RAG1: variants seen among roughly 807,000 people sequenced by gnomAD.
The protein encoded by RAG1 is recombination activating 1.
A neutral mutation model predicts 62.7 loss-of-function variants in RAG1; 35 were observed. That is an observed-to-expected ratio of 0.56 (90% confidence interval 0.43 to 0.74). RAG1 has a LOEUF of 0.74. RAG1 is among the 30% of genes least tolerant of loss of function. The probability of loss-of-function intolerance (pLI) is 0.00; values close to 1 mark genes in which losing one functional copy is unlikely to be tolerated. For synonymous variants in RAG1, 461 were observed against 470.3 expected, an observed-to-expected ratio of 0.98 and a Z score of 0.26; for missense variants, 1,169 against 1,278.6, an observed-to-expected ratio of 0.91 and a Z score of 1.31.
intron 2 of RAG1, among the ~76,000 whole-genome samples, chr11:36,532,497 T>C (rs900091662): frequency 6.6e-6 from 1 of 152,242 alleles, no homozygotes; most frequent in Non-Finnish European, 1.5e-5. Flanking sequence ...ATGACAGTGC[T>C]TTCCAGAAAT....
intron 1 of RAG1, among the ~76,000 whole-genome samples, 200 bp downstream of exon 1, chr11:36,568,322 T>C (rs915929118): frequency 6.6e-6 from 1 of 152,146 alleles, no homozygotes; most frequent in African/African-American, 2.4e-5. Flanking sequence ...CATAGAAAGA[T>C]GCAAAATATC....
chr11:36,562,473 G>A (rs1387181658), intron 3 of RAG1, among the ~76,000 whole-genome samples: 2 of 152,166 alleles, frequency 1.3e-5, no homozygotes, highest in East Asian at 1.9e-4. Flanking sequence ...CACACAGGTT[G>A]CAAGAGGTGG....
Position 36,574,429 on chromosome 11 carries a change from C to T in RAG1, c.1125C>T (p.His375=). ...EEVSLEKYNH[H]ISSHKESKEI... ...TCAGTTTGGAAAAATATAATCACCA[C>T]ATCTCAAGTCACAAGGAATCAAAAG... Residue 375 remains histidine (H), a synonymous_variant, in exon 2 of 2, where the codon CAC becomes CAT. Coordinates refer to ENST00000299440, the MANE Select transcript of RAG1 (RefSeq NM_000448.3). 1.2e-6 allele frequency: 2 copies of T among 1,614,240 alleles called. No homozygotes were observed. The highest frequency in any genetic ancestry group is 2.2e-5 in the South Asian group (2 of 91,090).
At chr11:36,542,929 T>C (rs1389898984) in intron 3 of RAG1, among the ~76,000 whole-genome samples, 1 of 152,174 alleles carries the variant, frequency 6.6e-6, no homozygotes, top group Admixed American at 6.5e-5. Context: ...TGCAAATAAG[T>C]CCATTTCTTT....
intron 3 of RAG1, among the ~76,000 whole-genome samples, chr11:36,541,744 C>G (rs1358746685): frequency 6.6e-6 from 1 of 152,168 alleles, no homozygotes; most frequent in Non-Finnish European, 1.5e-5. Context: ...GCGTGCTAGC[C>G]TGCAAAGTAG....
chr11:36,513,280 T>TA (rs1273153561), intron 1 of RAG1, among the ~76,000 whole-genome samples: 1 of 152,222 alleles, frequency 6.6e-6, no homozygotes, highest in Admixed American at 6.5e-5. Context: ...GTTATGCTGT[T>TA]ATAGCAGCAC....
chr11:36,573,587 G>T lies in RAG1; in HGVS notation c.283G>T (p.Glu95Ter). 6.2e-7 allele frequency: 1 copy of T among 1,614,162 alleles called. No individual in the cohort carries two copies. Among genetic ancestry groups the T allele is most frequent in the Non-Finnish European group, 8.5e-7 (1 of 1,180,034 alleles). ...GTTTTCAAAGAAATTTCACGACAACGAGAAAGCAAGAGGCAAAGCGATCCA... is the reference window on the plus strand; with the variant it reads ...GTTTTCAAAGAAATTTCACGACAACTAGAAAGCAAGAGGCAAAGCGATCCA... ...PKFSKKFHDNEKARGKAIHQA... is the reference protein window; with the variant it reads ...PKFSKKFHDN Residue 95 changes from glutamate to a stop codon, truncating the protein, a stop_gained, in exon 2 of 2, where the codon GAG (glutamate) becomes TAG (stop). Transcript: ENST00000299440. LOFTEE classifies it high-confidence loss of function.
chr11:36,569,784 C>T (rs1246696670), intron 1 of RAG1, among the ~76,000 whole-genome samples: 1 of 152,090 alleles, frequency 6.6e-6, no homozygotes, highest in Non-Finnish European at 1.5e-5. Flanking sequence ...CTATTTTTTT[C>T]AGAAATTAAA....
At chr11:36,546,963 G>A (rs77213556) in intron 3 of RAG1, among the ~76,000 whole-genome samples, 1 of 151,860 alleles carries the variant, frequency 6.6e-6, no homozygotes, top group African/African-American at 2.4e-5. Context: ...TGGGTAATCC[G>A]ACCTCTATCT....
chr11:36,549,110 A>G (rs913289141), intron 3 of RAG1, among the ~76,000 whole-genome samples: 31 of 152,218 alleles, frequency 2.0e-4, no homozygotes, highest in African/African-American at 7.0e-4. Context: ...TACACCTTAT[A>G]CAAAAATTAA....
intron 2 of RAG1, among the ~76,000 whole-genome samples, chr11:36,534,482 C>T (rs186692353): frequency 1.1e-4 from 17 of 152,296 alleles, no homozygotes; most frequent in Admixed American, 9.2e-4. Flanking sequence ...CCCAGTGAAA[C>T]GTGAGCAGAA....
chr11:36,548,923 G>A (rs1313134681), intron 3 of RAG1, among the ~76,000 whole-genome samples: 4 of 151,868 alleles, frequency 2.6e-5, no homozygotes, highest in Non-Finnish European at 5.9e-5. Context: ...ACCAAAACAG[G>A]TATATAGACC....
In RAG1 at chr11:36,517,778, G is replaced by A. The variant is rs185330468; in HGVS notation, n.331-2354G>A. Among the ~76,000 whole-genome samples, 10 of 152,246 alleles carry A rather than the reference G, an allele frequency of 6.6e-5. No homozygotes were observed. In the East Asian group the frequency reaches 1.7e-3, roughly 26 times the overall value. On this transcript the variant is annotated intron_variant and non_coding_transcript_variant, in intron 1 of 2. Transcript: ENST00000529126. ...GCCAGAACAGAACAGATTTCTTTGT[G>A]GATTTACTAAGTAGAACATTGCTTT...
In RAG1 at chr11:36,573,176, A is replaced by G. The variant is rs557646928; in HGVS notation, c.-14-115A>G. On this transcript the variant is annotated intron_variant, in intron 1 of 1. Coordinates refer to ENST00000299440, the MANE Select transcript of RAG1 (RefSeq NM_000448.3). ...TATATTAAGGTAGAAGATTTAATACATATCTTTTGGAATACATGAATAAAT... is the reference window on the plus strand; with the variant it reads ...TATATTAAGGTAGAAGATTTAATACGTATCTTTTGGAATACATGAATAAAT... The G allele has an allele frequency of 1.7e-5, 18 of 1,062,252 alleles. No homozygotes were observed. In the East Asian group the frequency reaches 3.9e-4, roughly 23 times the overall value. The allele number at this position is 1,062,252 out of a possible 1,614,324, so 65.8% of individuals were successfully genotyped here. A position where few individuals can be genotyped will look rare whatever the true frequency, so the allele number is the denominator to read the frequency against.
Position 36,575,645 on chromosome 11 carries a change from G to C in RAG1, c.2341G>C (p.Gly781Arg). 1 of 1,614,196 alleles carries C rather than the reference G, an allele frequency of 6.2e-7. No homozygotes were observed. Among genetic ancestry groups the C allele is most frequent in the Non-Finnish European group, 8.5e-7 (1 of 1,180,032 alleles). ...GGAAGAACTGCGGGATCGGGTGAAA[G>C]GGGTCTCAGCTAAACCTTTCATTGA... Reference protein sequence around the residue: ...SVEELRDRVKGVSAKPFIETV... With the variant: ...SVEELRDRVKRVSAKPFIETV... Residue 781 changes from glycine to arginine, a missense_variant, in exon 2 of 2, where the codon GGG (glycine) becomes CGG (arginine). By Grantham distance (125) the Gly-to-Arg change is moderately radical. This residue lies in a region of RAG1 where 800 missense variants were observed against 943.3 expected (regional missense o/e 0.85). Coordinates refer to ENST00000299440, the MANE Select transcript of RAG1 (RefSeq NM_000448.3). This position sits in a 1 kb window ranked among gnomAD's most constrained non-coding sequence, Gnocchi z 4.1.
intron 3 of RAG1, among the ~76,000 whole-genome samples, chr11:36,547,929 G>A (rs1172519530): frequency 6.6e-6 from 1 of 152,176 alleles, no homozygotes; most frequent in African/African-American, 2.4e-5. Context: ...TATTCACCAT[G>A]ATCAAGTCAG....
At position 36,575,343 on chromosome 11, in the gene RAG1, C is replaced by G; in HGVS notation, c.2039C>G (p.Ala680Gly). 1 of 1,614,144 alleles carries G rather than the reference C, an allele frequency of 6.2e-7. No homozygotes were observed. The highest frequency in any genetic ancestry group is 1.3e-5 in the African/African-American group (1 of 75,034). ...ACTGCCATCCTGAGTCCTCTCATTGCTGAGAGGGAGGCCATGAAGAGCAGT... is the reference window on the plus strand; with the variant it reads ...ACTGCCATCCTGAGTCCTCTCATTGGTGAGAGGGAGGCCATGAAGAGCAGT... ...TLTAILSPLI[A>G]EREAMKSSEL... Residue 680 changes from alanine (A) to glycine (G), a missense_variant, in exon 2 of 2, where the codon GCT (alanine) becomes GGT (glycine). Ala to Gly is a moderately conservative substitution (Grantham distance 60). Transcript: ENST00000299440. The surrounding 1 kb of genome is among the most constrained non-coding windows in gnomAD (Gnocchi z 4.1).
chr11:36,544,103 G>C (rs958676761), intron 3 of RAG1, among the ~76,000 whole-genome samples: 1 of 152,106 alleles, frequency 6.6e-6, no homozygotes, highest in African/African-American at 2.4e-5. Flanking sequence ...ACTTTTTTAG[G>C]GTAGGTACAA....
chr11:36,547,291 A>T (rs1431531758), intron 3 of RAG1, among the ~76,000 whole-genome samples: 2 of 152,214 alleles, frequency 1.3e-5, no homozygotes, highest in African/African-American at 4.8e-5. Context: ...AGCAGAACTG[A>T]TGGAGATAGA....
Sources: gnomAD v4.1 joint callset for allele counts (sites outside exome capture counted in the v4.1 genomes callset) on GRCh38, gnomAD v4.1.1 for gene constraint, gnomAD v4.1.1 regional missense constraint, Gnocchi (gnomAD v3.1) non-coding constraint, MANE v1.5 for transcripts, NCBI Gene and HGNC (gene_info 2026-07-23, HGNC 2026-07-21) for gene names.